The following NUP58 variants were observed in gnomAD, a reference collection of about 807,000 sequenced individuals.
NUP58 encodes the protein nucleoporin p58/p45.
In NUP58, 17 loss-of-function variants were observed where a neutral mutation model predicts 70.1. The observed-to-expected ratio is 0.24, with a 90% CI of 0.17 to 0.36. The LOEUF is 0.36. Among genes scored for constraint, NUP58 ranks in the 10% least tolerant of loss-of-function variants. The pLI, the probability that NUP58 is intolerant of heterozygous loss-of-function variation, is 1.00. For missense variants in NUP58, 644 were observed against 701.5 expected (o/e 0.92, Z 0.93); for synonymous variants, 275 against 257.6 (o/e 1.07, Z -0.65).
At position 25,311,821 on chromosome 13, in the gene NUP58, A is replaced by G. The variant is rs545224274; in HGVS notation, c.287-1062A>G. ...AGCTAAGGTTTTTAAGGATGCTTGT[A>G]GTACAGGATATTTCTGAAGTAGGAT... On this transcript the variant is annotated intron_variant, in intron 3 of 15. Transcript: ENST00000381736. 5.3e-5 allele frequency among the ~76,000 whole-genome samples: 8 copies of G among 152,212 alleles called. No homozygotes were observed. The South Asian group carries it at 1.7e-3, about 32-fold the overall frequency.
At chr13:25,308,778 C>T (rs1315373669) in intron 2 of NUP58, among the ~76,000 whole-genome samples, 3 of 152,130 alleles carry the variant, frequency 2.0e-5, no homozygotes, top group Non-Finnish European at 4.4e-5. Context: ...AAAAAGTTTG[C>T]TTCTTTATTT....
rs372813893 is a variant in NUP58 at position 25,313,781 on chromosome 13, G to C, written c.574+30G>C. On this transcript the variant is annotated intron_variant, in intron 5 of 15. Transcript: ENST00000381736. The stretch of plus-strand genomic sequence containing the variant: ...TTGATGGTATTTATTCTCCAGAATA[G>C]TAAATATTTATATTTAAATGTACTT... The C allele has an allele frequency of 2.0e-5, 30 of 1,473,234 alleles. No homozygotes were observed. In the African/African-American group the frequency reaches 3.9e-4, roughly 19 times the overall value. The allele number at this position is 1,473,234 out of a possible 1,614,324, so 91.3% of individuals were successfully genotyped here. A position where few individuals can be genotyped will look rare whatever the true frequency, so the allele number is the denominator to read the frequency against.
At position 25,340,670 on chromosome 13, in the gene NUP58, C is replaced by T. The variant is rs1354007551; in HGVS notation, c.*536C>T. 1 of 152,166 alleles carries T rather than the reference C, an allele frequency of 6.6e-6. No individual in the cohort carries two copies. Among genetic ancestry groups the T allele is most frequent in the East Asian group, 1.9e-4 (1 of 5,184 alleles). 9.4% of individuals were successfully genotyped at this position (152,166 alleles called of 1,614,324 possible). A position where few individuals can be genotyped will look rare whatever the true frequency, so the allele number is the denominator to read the frequency against. ...GGCGTGGTGGCTCACGCCTGTAATC[C>T]CAGCACTTTGGGAGGCCGAGGCAGG... is the stretch of plus-strand genomic sequence containing the variant. On this transcript the variant is annotated 3_prime_UTR_variant, in exon 16 of 16. Coordinates refer to ENST00000381736, the MANE Select transcript of NUP58 (RefSeq NM_014089.4).
Position 25,327,479 on chromosome 13 carries a change from G to A in NUP58, c.1200G>A (p.Ala400=), listed in dbSNP as rs373945078. The A allele has an allele frequency of 6.2e-6, 10 of 1,609,922 alleles. No individual in the cohort carries two copies. Among genetic ancestry groups the A allele is most frequent in the South Asian group, 1.1e-5 (1 of 89,872 alleles). ...TTTATCAAACATTTGTAGCTTTAGC[G>A]GCACAACTTCAGTCTATTCATGAAA... The part of the protein sequence containing the change: ...QKIYQTFVAL[A]AQLQSIHENV... Residue 400 remains alanine, a synonymous_variant, in exon 12 of 16, where the codon GCG becomes GCA. Transcript: ENST00000381736.
rs766163696 is a variant in NUP58 at position 25,327,028 on chromosome 13, C to A, written c.1144C>A (p.Pro382Thr). The A allele has an allele frequency of 1.3e-6, 2 of 1,563,210 alleles. No homozygotes were observed. The highest frequency in any genetic ancestry group is 1.8e-6 in the Non-Finnish European group (2 of 1,140,350). ...TCAAGCAAATAATTCACATATAACC[C>A]CTCAAGGTAACATGCTTACTGTGGT... Reference protein sequence around the residue: ...ATQANNSHITPQDLSMAMQKI... With the variant: ...ATQANNSHITTQDLSMAMQKI... Residue 382 changes from proline (P) to threonine (T), a missense_variant, in exon 11 of 16, where the codon CCT becomes ACT. Physicochemically the swap from Pro to Thr is conservative, Grantham distance 38. Coordinates refer to ENST00000381736, the MANE Select transcript of NUP58 (RefSeq NM_014089.4).
intron 3 of NUP58, among the ~76,000 whole-genome samples, chr13:25,310,765 GCTT>G (rs986601833): frequency 2.6e-5 from 4 of 152,106 alleles, no homozygotes; most frequent in African/African-American, 9.7e-5. Flanking sequence ...ATAGTTTCTG[GCTT>G]CTTTTCTCTC....
intron 13 of NUP58, chr13:25,334,294 T>G: frequency 4.1e-6 from 4 of 985,410 alleles, no homozygotes; most frequent in Non-Finnish European, 4.8e-6. Flanking sequence ...GATAGGTTTT[T>G]TAGCAATGTA....
intron 3 of NUP58, among the ~76,000 whole-genome samples, chr13:25,310,519 C>CTTTTTTTT (rs34548230): frequency 3.7e-5 from 2 of 53,586 alleles, no homozygotes; most frequent in African/African-American, 7.0e-5. Context: ...TGTGCCTGGC[C>CTTTTTTTT]TTTTTTTTTT....
chr13:25,310,154 C>G (rs1316989882), intron 3 of NUP58: 1 of 182,976 alleles, frequency 5.5e-6, no homozygotes, highest in Non-Finnish European at 1.2e-5. Flanking sequence ...GCGATCTTCT[C>G]TGGGGTTCCC....
At chr13:25,317,318 T>C (rs1275920358) in intron 6 of NUP58, among the ~76,000 whole-genome samples, 1 of 152,178 alleles carries the variant, frequency 6.6e-6, no homozygotes, top group African/African-American at 2.4e-5. Context: ...TCAGGCAATT[T>C]GGGTCTATTA....
In NUP58 at chr13:25,307,947, A is replaced by G; in HGVS notation, c.249A>G (p.Thr83=). 6.2e-7 allele frequency: 1 copy of G among 1,613,850 alleles called. No individual in the cohort carries two copies. The highest frequency in any genetic ancestry group is 8.5e-7 in the Non-Finnish European group (1 of 1,179,860). ...ATGFTLGGTN[T]GIATTITTGL... ...GGTTCACTCTAGGAGGAACAAATACAGGTGAGGAGGATCTGATCACATTGT... is the reference window on the plus strand; with the variant it reads ...GGTTCACTCTAGGAGGAACAAATACGGGTGAGGAGGATCTGATCACATTGT... The change falls in exon 2 of 16, where the codon ACA becomes ACG. Residue 83 remains threonine, a splice_region_variant and synonymous_variant. Transcript: ENST00000381736.
At chr13:25,345,922 C>A (rs1038962446), downstream of NUP58, among the ~76,000 whole-genome samples, 3 of 152,236 alleles carry the variant, frequency 2.0e-5, no homozygotes, top group East Asian at 5.8e-4. Context: ...GTTTTTTCTA[C>A]CTAGTCTATT....
chr13:25,308,029 A>C, intron 2 of NUP58, 81 bp downstream of exon 2: 1 of 1,518,118 alleles, frequency 6.6e-7, no homozygotes, highest in African/African-American at 1.4e-5. Context: ...TCTCTTTACA[A>C]GGATCATCAC....
intron 13 of NUP58, chr13:25,336,009 A>G: frequency 9.7e-6 from 11 of 1,135,794 alleles, no homozygotes; most frequent in Non-Finnish European, 1.2e-5. Flanking sequence ...AAGAGAGGCT[A>G]GTAAGTTTGA....
At chr13:25,347,859 AAAC>A (rs2032068348) in intron 3 of NUP58, among the ~76,000 whole-genome samples, 1 of 152,232 alleles carries the variant, frequency 6.6e-6, no homozygotes, top group Non-Finnish European at 1.5e-5. Flanking sequence ...GTAACTTAAA[AAAC>A]AATAATGTGC....
intron 14 of NUP58, among the ~76,000 whole-genome samples, chr13:25,337,264 G>GAAA (rs2031819530): frequency 6.6e-6 from 1 of 151,984 alleles, no homozygotes; most frequent in Non-Finnish European, 1.5e-5. Context: ...TTAAGTGGTA[G>GAAA]GCATGTTCAT....
At chr13:25,324,863 A>G in intron 9 of NUP58, 126 bp from the exon 10 acceptor site, 1 of 677,282 alleles carries the variant, frequency 1.5e-6, no homozygotes, top group Non-Finnish European at 2.6e-6. Flanking sequence ...ATGTTCTTAT[A>G]GCATGAACCT....
chr13:25,342,785 T>G (rs2031991381), downstream of NUP58, among the ~76,000 whole-genome samples: 1 of 152,102 alleles, frequency 6.6e-6, no homozygotes, highest in Non-Finnish European at 1.5e-5. Flanking sequence ...TCTTTTTCTT[T>G]TATATTCTCT....
chr13:25,307,928 C>A lies in NUP58; in HGVS notation c.230C>A (p.Thr77Asn). Residue 77 changes from threonine (T) to asparagine (N), a missense_variant, in exon 2 of 16, where the codon ACT (threonine) becomes AAT (asparagine). This residue lies in a region of NUP58 where 430 missense variants were observed against 409.2 expected (regional missense o/e 1.05). Coordinates refer to ENST00000381736, the MANE Select transcript of NUP58 (RefSeq NM_014089.4). The part of the protein sequence containing the change: ...LFGSKPATGF[T>N]LGGTNTGIAT... ...GGATCTAAACCTGCCACTGGGTTCA[C>A]TCTAGGAGGAACAAATACAGGTGAG... The A allele has an allele frequency of 6.2e-7, 1 of 1,614,092 alleles. No homozygotes were observed. Among genetic ancestry groups the A allele is most frequent in the Non-Finnish European group, 8.5e-7 (1 of 1,179,986 alleles).
Sources: gnomAD v4.1 joint callset for allele counts (sites outside exome capture counted in the v4.1 genomes callset) on GRCh38, gnomAD v4.1.1 for gene constraint, gnomAD v4.1.1 regional missense constraint, MANE v1.5 for transcripts, NCBI Gene and HGNC (gene_info 2026-07-23, HGNC 2026-07-21) for gene names.